PDE7B: variants seen among roughly 807,000 people sequenced by gnomAD.
The protein encoded by PDE7B is 3',5'-cyclic-AMP phosphodiesterase 7B.
Under a neutral mutation model 56.2 loss-of-function variants are expected in PDE7B, and 29 were observed. That is an observed-to-expected ratio of 0.52 (90% confidence interval 0.38 to 0.70). The LOEUF is 0.70. Among genes scored for constraint, PDE7B ranks in the 30% least tolerant of loss-of-function variants. The pLI, the probability that PDE7B is intolerant of heterozygous loss-of-function variation, is 0.00. For missense variants in PDE7B, 490 were observed against 565.0 expected (o/e 0.87, Z 1.35); for synonymous variants, 197 against 196.9 (o/e 1.00, Z 0.00).
chr6:135,970,912 G>A (rs1317569768), intron 2 of PDE7B, among the ~76,000 whole-genome samples: 5 of 152,150 alleles, frequency 3.3e-5, no homozygotes, highest in Admixed American at 2.0e-4. Flanking sequence ...AGAGGGAAGC[G>A]TGCATCCTTG....
chr6:136,138,691 G>C (rs1220397445), intron 3 of PDE7B, among the ~76,000 whole-genome samples: 1 of 152,102 alleles, frequency 6.6e-6, no homozygotes, highest in African/African-American at 2.4e-5. Context: ...AACCCAGATA[G>C]AAGTTAAACG....
intron 2 of PDE7B, among the ~76,000 whole-genome samples, chr6:136,025,634 G>A (rs567603080): frequency 2.0e-5 from 3 of 152,260 alleles, no homozygotes; most frequent in African/African-American, 7.2e-5. Context: ...AGCTATATAA[G>A]GGTGATATGG....
intron 1 of PDE7B, among the ~76,000 whole-genome samples, chr6:135,858,905 CAT>C (rs2128184119): frequency 6.6e-6 from 1 of 152,180 alleles, no homozygotes; most frequent in South Asian, 2.1e-4. Context: ...AATCACATAT[CAT>C]AGACTTTTAA....
chr6:136,151,379 G>T, intron 6 of PDE7B, 124 bp downstream of exon 6: 3 of 559,482 alleles, frequency 5.4e-6, no homozygotes, highest in Admixed American at 3.1e-5. Flanking sequence ...AATCTTAAAT[G>T]GTCTCATCTT....
chr6:135,924,026 G>A (rs1177918673), intron 1 of PDE7B, among the ~76,000 whole-genome samples: 4 of 152,100 alleles, frequency 2.6e-5, no homozygotes, highest in East Asian at 1.9e-4. Flanking sequence ...TTATCAAGTT[G>A]ACAAATTTTT....
intron 1 of PDE7B, among the ~76,000 whole-genome samples, chr6:135,859,876 TA>T (rs1473824822): frequency 6.6e-6 from 1 of 152,012 alleles, no homozygotes; most frequent in African/African-American, 2.4e-5. Flanking sequence ...AGTAATAATT[TA>T]AAATTCAATT....
At chr6:135,861,327 C>T (rs9494402) in intron 1 of PDE7B, among the ~76,000 whole-genome samples, 2,044 of 151,766 alleles carry the variant, frequency 0.013, 30 homozygotes, top group African/African-American at 0.046. Flanking sequence ...AAATAATTTA[C>T]GCCCCCACCA....
intron 4 of PDE7B, among the ~76,000 whole-genome samples, chr6:136,148,460 G>A (rs1219859220): frequency 2.1e-5 from 3 of 145,388 alleles, no homozygotes; most frequent in Non-Finnish European, 4.5e-5. Flanking sequence ...AGGGAGGGAG[G>A]GAAGGAAGGA....
chr6:136,084,350 T>A (rs113740788), intron 2 of PDE7B, among the ~76,000 whole-genome samples: 58 of 152,312 alleles, frequency 3.8e-4, no homozygotes, highest in African/African-American at 1.3e-3. Flanking sequence ...GAAATCTGCT[T>A]TCATCTGAAA....
intron 4 of PDE7B, among the ~76,000 whole-genome samples, chr6:136,148,466 A>AGGC (rs879737273): frequency 4.7e-5 from 2 of 42,994 alleles, no homozygotes; most frequent in African/African-American, 2.3e-4. Context: ...GGAGGGAAGG[A>AGGC]AGGAAGGCAG....
chr6:136,031,279 C>T (rs923908438), intron 2 of PDE7B, among the ~76,000 whole-genome samples: 2 of 152,168 alleles, frequency 1.3e-5, no homozygotes, highest in Admixed American at 6.5e-5. Flanking sequence ...CCCAGGAAAC[C>T]TGTTAAAAAT....
intron 2 of PDE7B, among the ~76,000 whole-genome samples, chr6:136,053,065 T>TA (rs1381683008): frequency 6.6e-6 from 1 of 152,148 alleles, no homozygotes; most frequent in Non-Finnish European, 1.5e-5. Context: ...CACATTTTTT[T>TA]AAAAAAGTTA....
chr6:135,890,484 C>T (rs1775791105), intron 1 of PDE7B, among the ~76,000 whole-genome samples: 1 of 152,166 alleles, frequency 6.6e-6, no homozygotes, highest in South Asian at 2.1e-4. Context: ...GGAGATAAAA[C>T]ATAAGGAATA....
rs956675175 is a variant in PDE7B, at chr6:136,075,186, G to A, written c.83-33545G>A. Among the ~76,000 whole-genome samples, 4 of 152,214 alleles carry A rather than the reference G, an allele frequency of 2.6e-5. No homozygotes were observed. In the East Asian group the frequency reaches 7.7e-4, roughly 29 times the overall value. Reference sequence around the variant, plus strand: ...GTGCTTTCCTTCTGACATAGCAAGAGCATATTTCAGACAATTGTAGACTCA... The same window carrying A: ...GTGCTTTCCTTCTGACATAGCAAGAACATATTTCAGACAATTGTAGACTCA... On this transcript the variant is annotated intron_variant, in intron 2 of 12. Transcript: ENST00000308191.
intron 5 of PDE7B, among the ~76,000 whole-genome samples, chr6:136,150,611 G>A (rs975939776): frequency 5.3e-5 from 8 of 152,112 alleles, no homozygotes; most frequent in African/African-American, 1.4e-4. Flanking sequence ...TAAATAAACA[G>A]TATTTCTTGA....
chr6:135,960,141 C>T (rs11154833), intron 2 of PDE7B, among the ~76,000 whole-genome samples: 56,050 of 151,920 alleles, frequency 0.37, 10,636 homozygotes, highest in Admixed American at 0.52. Context: ...TAGATGATAA[C>T]TTCTTCTCCC....
intron 1 of PDE7B, among the ~76,000 whole-genome samples, chr6:135,863,651 C>T (rs1201765886): frequency 1.3e-5 from 2 of 150,702 alleles, no homozygotes; most frequent in African/African-American, 2.4e-5. Context: ...TTGTAACTTC[C>T]TGGCGAATTG....
At chr6:135,944,242 C>G (rs984002567) in intron 1 of PDE7B, among the ~76,000 whole-genome samples, 2 of 152,122 alleles carry the variant, frequency 1.3e-5, no homozygotes, top group South Asian at 4.2e-4. Context: ...AGACGTTCCC[C>G]CAGGACAGAT....
rs140510551 is a variant in PDE7B at position 135,863,869 on chromosome 6, C to T, written c.21+11850C>T. Among the ~76,000 whole-genome samples the T allele has an allele frequency of 1.9e-3, 293 of 151,952 alleles. 3 individuals are homozygous for T. The highest frequency in any genetic ancestry group is 6.7e-3 in the African/African-American group (276 of 41,502). On this transcript the variant is annotated intron_variant, in intron 1 of 12. Coordinates refer to ENST00000308191, the MANE Select transcript of PDE7B (RefSeq NM_018945.4). ...TACAAGCAGCAAATAAGTAAATTTT[C>T]TTTTATCATTCAGTCTGACTATATT...
Sources: allele counts gnomAD v4.1 joint callset (sites outside exome capture counted in the v4.1 genomes callset), GRCh38; gene constraint gnomAD v4.1.1; transcripts MANE v1.5; gene names NCBI Gene and HGNC (gene_info 2026-07-23, HGNC 2026-07-21).